The following LAMA4 variants were observed in gnomAD, a reference collection of about 807,000 sequenced individuals.
LAMA4 encodes the protein laminin subunit alpha 4.
A neutral mutation model predicts 207.1 loss-of-function variants in LAMA4; 127 were observed. That is an observed-to-expected ratio of 0.61 (90% CI 0.53 to 0.71). LAMA4 has a LOEUF of 0.71. Among genes scored for constraint, LAMA4 ranks in the 30% least tolerant of loss-of-function variants. The pLI is 0.00. For missense variants in LAMA4, 2,093 were observed against 2,246.5 expected (o/e 0.93, Z 1.38); for synonymous variants, 761 against 816.0 (o/e 0.93, Z 1.15).
chr6:112,225,346 A>C (rs2115102850), intron 2 of LAMA4, among the ~76,000 whole-genome samples: 1 of 152,370 alleles, frequency 6.6e-6, no homozygotes, highest in East Asian at 1.9e-4. Flanking sequence ...TTAAAGATAA[A>C]GAATATATAA....
chr6:112,132,615 A>G, intron 28 of LAMA4, 138 bp downstream of exon 28: 6 of 784,102 alleles, frequency 7.7e-6, no homozygotes, highest in Non-Finnish European at 1.2e-5. Context: ...AGTGTTTGAA[A>G]TGAGGCATTC....
At chr6:112,204,008 A>T (rs1583882284) in intron 4 of LAMA4, among the ~76,000 whole-genome samples, 1 of 152,332 alleles carries the variant, frequency 6.6e-6, no homozygotes, top group East Asian at 1.9e-4. Flanking sequence ...AAGGAGACTC[A>T]TTCCACAGTT....
chr6:112,136,389 T>C, intron 24 of LAMA4, 135 bp from the exon 25 acceptor site: 2 of 758,132 alleles, frequency 2.6e-6, no homozygotes, highest in Non-Finnish European at 2.2e-6. Context: ...CATGAAATTC[T>C]TATGAAATAA....
rs782182890 is a variant in LAMA4, at chr6:112,185,326, T to A, written c.988A>T (p.Asn330Tyr). The part of the protein sequence containing the change: ...LLKTKLSERE[N>Y]QYALRKIQIN... ...TGTATCTTTCTTAGGGCGTATTGGTTTTCTCTTTCTGACAATTTTGTCTGC... is the reference window on the plus strand; with the variant it reads ...TGTATCTTTCTTAGGGCGTATTGGTATTCTCTTTCTGACAATTTTGTCTGC... Residue 330 changes from asparagine to tyrosine, a missense_variant, in exon 9 of 39, where the codon AAC (asparagine) becomes TAC (tyrosine). Physicochemically the swap from Asn to Tyr is moderately radical, Grantham distance 143. This residue lies in a region of LAMA4 where 1,704 missense variants were observed against 1,788.4 expected (regional missense o/e 0.95). Coordinates refer to ENST00000230538, the MANE Select transcript of LAMA4 (RefSeq NM_001105206.3). The A allele has an allele frequency of 6.2e-7, 1 of 1,611,372 alleles. No homozygotes were observed.
intron 8 of LAMA4, 146 bp from the exon 9 acceptor site, chr6:112,185,493 G>A (rs894686556): frequency 4.7e-6 from 3 of 639,098 alleles, no homozygotes; most frequent in Admixed American, 5.0e-5. Context: ...GCTGCAGCCT[G>A]ATATGAAGGG....
chr6:112,149,937 A>G (rs1780276595), intron 17 of LAMA4, among the ~76,000 whole-genome samples: 1 of 152,160 alleles, frequency 6.6e-6, no homozygotes, highest in African/African-American at 2.4e-5. Flanking sequence ...TTCCAATCAC[A>G]TCTATCTAAG....
At chr6:112,206,230 G>T (rs562219993) in intron 4 of LAMA4, among the ~76,000 whole-genome samples, 33 of 152,198 alleles carry the variant, frequency 2.2e-4, no homozygotes, top group Admixed American at 4.6e-4. Flanking sequence ...ATTTTTGGCT[G>T]GCATTTGTAG....
chr6:112,144,681 G>A (rs2114720442), intron 19 of LAMA4, 113 bp downstream of exon 19: 2 of 1,229,722 alleles, frequency 1.6e-6, no homozygotes, highest in Non-Finnish European at 2.4e-6. Flanking sequence ...GAGAACTACT[G>A]AGTTGGAGAA....
intron 2 of LAMA4, among the ~76,000 whole-genome samples, chr6:112,248,330 T>C (rs1554189039): frequency 6.6e-6 from 1 of 152,010 alleles, no homozygotes; most frequent in African/African-American, 2.4e-5. Context: ...GAAACCCGTC[T>C]CTACTAAAAA....
chr6:112,124,881 C>T (rs767503492), intron 31 of LAMA4, among the ~76,000 whole-genome samples: 2 of 152,076 alleles, frequency 1.3e-5, no homozygotes, highest in South Asian at 2.1e-4. Context: ...CTCAGCCTCC[C>T]GAGTAGCTGG....
At chr6:112,246,355 A>G (rs1382127070) in intron 2 of LAMA4, among the ~76,000 whole-genome samples, 2 of 152,188 alleles carry the variant, frequency 1.3e-5, no homozygotes, top group African/African-American at 2.4e-5. Context: ...AAAGTTCTCA[A>G]AATTATGTCT....
intron 8 of LAMA4, 72 bp downstream of exon 8, chr6:112,187,378 G>A: frequency 6.4e-7 from 1 of 1,562,166 alleles, no homozygotes; most frequent in South Asian, 1.1e-5. Flanking sequence ...AAAAGGGGTA[G>A]AAGGAATTAC....
intron 13 of LAMA4, chr6:112,159,498 G>A (rs9487834): frequency 0.28 from 42,606 of 153,762 alleles, 5,991 homozygotes; most frequent in East Asian, 0.33. Flanking sequence ...TCGTGCAACT[G>A]TGTAGACGGA....
chr6:112,120,505 T>C (rs1421105516), intron 32 of LAMA4, 33 bp from the exon 33 acceptor site: 3 of 1,516,058 alleles, frequency 2.0e-6, no homozygotes, highest in Non-Finnish European at 1.8e-6. Flanking sequence ...TTACCATATG[T>C]AAAATGAGAC....
At chr6:112,155,254 A>G in intron 15 of LAMA4, 1 of 563,740 alleles carries the variant, frequency 1.8e-6, no homozygotes, top group Non-Finnish European at 3.1e-6. Flanking sequence ...AAAAAATATA[A>G]ATGAATGCAT....
intron 4 of LAMA4, among the ~76,000 whole-genome samples, chr6:112,203,381 T>C (rs1783872164): frequency 6.6e-6 from 1 of 152,220 alleles, no homozygotes; most frequent in South Asian, 2.1e-4. Flanking sequence ...GCTTCATCAA[T>C]GTTTCAAAAT....
intron 33 of LAMA4, among the ~76,000 whole-genome samples, chr6:112,119,947 C>T (rs782522870): frequency 2.7e-4 from 41 of 152,124 alleles, no homozygotes; most frequent in Non-Finnish European, 4.0e-4. Flanking sequence ...TTTGTATCTT[C>T]CACAGCTTAG....
chr6:112,158,570 A>G (rs1227472872), intron 14 of LAMA4, among the ~76,000 whole-genome samples, 162 bp downstream of exon 14: 1 of 152,110 alleles, frequency 6.6e-6, no homozygotes, highest in African/African-American at 2.4e-5. Context: ...CCAACCAAGC[A>G]ACCAAGGAAC....
At chr6:112,152,880 C>T (rs1228575942) in intron 16 of LAMA4, among the ~76,000 whole-genome samples, 1 of 151,942 alleles carries the variant, frequency 6.6e-6, no homozygotes, top group Non-Finnish European at 1.5e-5. Flanking sequence ...AATGTTTTAG[C>T]TCTTATTTTG....
Sources: allele counts gnomAD v4.1 joint callset (sites outside exome capture counted in the v4.1 genomes callset), GRCh38; gene constraint gnomAD v4.1.1; regional missense constraint gnomAD v4.1.1; transcripts MANE v1.5; gene names NCBI Gene and HGNC (gene_info 2026-07-23, HGNC 2026-07-21).